SMG1: variants seen among roughly 807,000 people sequenced by gnomAD.
SMG1 encodes SMG1 nonsense mediated mRNA decay associated PI3K related kinase, also known as serine/threonine-protein kinase SMG1.
Under a neutral mutation model 419.9 loss-of-function variants are expected in SMG1, and 22 were observed. That is an observed-to-expected ratio of 0.05 (90% CI 0.04 to 0.07). The LOEUF is 0.07. Among genes scored for constraint, SMG1 ranks in the 10% least tolerant of loss-of-function variants. The pLI, the probability that SMG1 is intolerant of heterozygous loss-of-function variation, is 1.00. For synonymous variants in SMG1, 1,538 were observed against 1,553.5 expected (o/e 0.99, Z 0.23); for missense variants, 3,185 against 4,342.0 (o/e 0.73, Z 7.49).
At chr16:18,871,335 T>TAA in intron 16 of SMG1, 29 bp downstream of exon 16, 7 of 928,846 alleles carry the variant, frequency 7.5e-6, no homozygotes, top group South Asian at 2.3e-5. Context: ...ATAAACAAAA[T>TAA]AGAAAAAAAA....
At chr16:18,819,894 T>C (rs1425020759) in intron 55 of SMG1, among the ~76,000 whole-genome samples, 1 of 152,204 alleles carries the variant, frequency 6.6e-6, no homozygotes, top group Non-Finnish European at 1.5e-5. Flanking sequence ...TCTTAAAACG[T>C]ACAGAAGGAA....
chr16:18,868,023 C>T (rs901982846), intron 22 of SMG1, among the ~76,000 whole-genome samples, 167 bp downstream of exon 22: 2 of 152,194 alleles, frequency 1.3e-5, no homozygotes, highest in Non-Finnish European at 2.9e-5. Context: ...TAACTTCTAA[C>T]ACTGTAACTC....
intron 51 of SMG1, 110 bp downstream of exon 51, chr16:18,832,830 T>C (rs1334533820): frequency 1.1e-6 from 1 of 909,686 alleles, no homozygotes; most frequent in Non-Finnish European, 1.8e-6. Context: ...TATAAGTAAT[T>C]ATACCTGCTC....
intron 1 of SMG1, among the ~76,000 whole-genome samples, chr16:18,920,140 G>A (rs565890068): frequency 1.8e-4 from 27 of 151,962 alleles, no homozygotes; most frequent in African/African-American, 5.1e-4. Context: ...CCAGCACTTT[G>A]GGAGGCCGAG....
At chr16:18,886,426 G>T (rs927191780) in intron 6 of SMG1, among the ~76,000 whole-genome samples, 1 of 152,094 alleles carries the variant, frequency 6.6e-6, no homozygotes, top group African/African-American at 2.4e-5. Context: ...TTATTTTGCA[G>T]CTGTTAGAAA....
rs1424497964 is a variant in SMG1 at position 18,866,770 on chromosome 16, A to G, written c.3201T>C (p.Asn1067=). The G allele has an allele frequency of 1.9e-6, 3 of 1,597,064 alleles. No individual in the cohort carries two copies. The East Asian group carries it at 6.7e-5, about 36-fold the overall frequency. ...CCATCATAATGGTTACTTCCAATTCATTCCCCTGAAAACGCATTCAGAAAA... is the reference window on the plus strand; with the variant it reads ...CCATCATAATGGTTACTTCCAATTCGTTCCCCTGAAAACGCATTCAGAAAA... ...EMKTTSLSQG[N]ELEVTIMMVV... The change falls in exon 23 of 63, where the codon AAT becomes AAC. Residue 1067 remains asparagine, a synonymous_variant. Coordinates refer to ENST00000446231, the MANE Select transcript of SMG1 (RefSeq NM_015092.5).
rs991748168 is a variant in SMG1, at chr16:18,888,164, CAAAAAAAA to C, written c.822+1200_822+1207del. Among the ~76,000 whole-genome samples, 9 of 41,192 alleles carry C rather than the reference CAAAAAAAA, an allele frequency of 2.2e-4. No individual in the cohort carries two copies. The South Asian group carries it at 8.8e-3, about 40-fold the overall frequency. 27.0% of individuals were successfully genotyped at this position (41,192 alleles called of 152,430 possible). The stretch of plus-strand genomic sequence containing the variant: ...TGGACAACAGAGCAAGACTCTGCAT[CAAAAAAAA>C]AAAAAAAAAAAAAGGAATGATGTTC... On this transcript the variant is annotated intron_variant, in intron 6 of 62. Coordinates refer to ENST00000446231, the MANE Select transcript of SMG1 (RefSeq NM_015092.5).
At chr16:18,834,607 T>C (rs574065004) in intron 49 of SMG1, among the ~76,000 whole-genome samples, 169 bp from the exon 50 acceptor site, 3 of 152,098 alleles carry the variant, frequency 2.0e-5, no homozygotes, top group African/African-American at 7.2e-5. Context: ...CAAAACCCCA[T>C]CTCTACCAAA....
intron 1 of SMG1, among the ~76,000 whole-genome samples, chr16:18,907,985 A>G (rs1188650672): frequency 3.3e-5 from 5 of 152,062 alleles, no homozygotes; most frequent in Non-Finnish European, 7.4e-5. Flanking sequence ...TTGAAAGGAA[A>G]TATCTTACTC....
intron 51 of SMG1, among the ~76,000 whole-genome samples, chr16:18,830,979 G>A (rs1306515285): frequency 6.6e-6 from 1 of 152,094 alleles, no homozygotes; most frequent in Non-Finnish European, 1.5e-5. Flanking sequence ...AAAAATGTCA[G>A]AAATCACACC....
At chr16:18,837,025 C>T (rs939369835) in intron 46 of SMG1, among the ~76,000 whole-genome samples, 1 of 152,164 alleles carries the variant, frequency 6.6e-6, no homozygotes. Context: ...AACCACTACA[C>T]CCACCTATCT....
rs1286785052 is a variant in SMG1 at position 18,860,663 on chromosome 16, A to G, written c.3805+4T>C. On this transcript the variant is annotated splice_donor_region_variant and intron_variant, in intron 26 of 62. Coordinates refer to ENST00000446231, the MANE Select transcript of SMG1 (RefSeq NM_015092.5). ...AATAACTTTAAAACTATTTTCTCAA[A>G]TACCTATTTTTTCTTTTGATCCTCC... 6 of 1,373,062 alleles carry G rather than the reference A, an allele frequency of 4.4e-6. No individual in the cohort carries two copies. Among genetic ancestry groups the G allele is most frequent in the Non-Finnish European group, 6.1e-6 (6 of 987,550 alleles). 85.1% of individuals were successfully genotyped at this position (1,373,062 alleles called of 1,614,324 possible).
chr16:18,847,572 A>G lies in SMG1; in HGVS notation c.5877T>C (p.Thr1959=), dbSNP rs751345271. The change falls in exon 38 of 63, where the codon ACT becomes ACC. Residue 1959 remains threonine (T), a synonymous_variant. Coordinates refer to ENST00000446231, the MANE Select transcript of SMG1 (RefSeq NM_015092.5). The part of the protein sequence containing the change: ...QMLVAELRRV[T]VLWDELWLGV... ...CCAGCCAGAGCTCATCCCAGAGCACAGTGACCCTGCGCAGTTCAGCCACGA... is the reference window on the plus strand; with the variant it reads ...CCAGCCAGAGCTCATCCCAGAGCACGGTGACCCTGCGCAGTTCAGCCACGA... 4.3e-6 allele frequency: 7 copies of G among 1,613,936 alleles called. No individual in the cohort carries two copies. Among genetic ancestry groups the G allele is most frequent in the African/African-American group, 1.3e-5 (1 of 74,948 alleles).
At chr16:18,900,000 T>C (rs1400341633) in intron 1 of SMG1, 1 of 1,530,226 alleles carries the variant, frequency 6.5e-7, no homozygotes, top group Non-Finnish European at 8.7e-7. Flanking sequence ...AAAAATCGCA[T>C]ACTGTATAAT....
intron 60 of SMG1, among the ~76,000 whole-genome samples, chr16:18,812,580 A>C: frequency 6.7e-6 from 1 of 149,920 alleles, no homozygotes. Flanking sequence ...ATACACACAC[A>C]TATATATACA....
chr16:18,814,651 C>T (rs376730175), intron 60 of SMG1, among the ~76,000 whole-genome samples: 22 of 151,848 alleles, frequency 1.4e-4, no homozygotes, highest in Admixed American at 1.4e-3. Context: ...CTTGGCTCAC[C>T]GTAACCTCCA....
At chr16:18,890,140 T>C (rs1215707051) in intron 5 of SMG1, among the ~76,000 whole-genome samples, 2 of 152,184 alleles carry the variant, frequency 1.3e-5, no homozygotes, top group African/African-American at 4.8e-5. Flanking sequence ...CACACACCTC[T>C]GGAGATTCTA....
Position 18,853,450 on chromosome 16 carries a change from CAATAA to C in SMG1, c.4768+128_4768+132del, listed in dbSNP as rs917945387. ...TAAATATGTTTTAGTTATTTCCCAACAATAAAATAAACTCAACTTCCACAGATATA... is the reference window on the plus strand; with the variant it reads ...TAAATATGTTTTAGTTATTTCCCAACAATAAACTCAACTTCCACAGATATA... On this transcript the variant is annotated intron_variant, in intron 31 of 62. Transcript: ENST00000446231. The C allele has an allele frequency of 8.4e-6, 7 of 836,998 alleles. No homozygotes were observed. The African/African-American group carries it at 8.6e-5, about 10-fold the overall frequency. 51.8% of individuals were successfully genotyped at this position (836,998 alleles called of 1,614,324 possible). A position where few individuals can be genotyped will look rare whatever the true frequency, so the allele number is the denominator to read the frequency against.
chr16:18,881,788 GAGA>G (rs2036409614), intron 10 of SMG1, among the ~76,000 whole-genome samples: 1 of 152,214 alleles, frequency 6.6e-6, no homozygotes, highest in African/African-American at 2.4e-5. Flanking sequence ...CTTATGTTCA[GAGA>G]AGATTACTTT....
Sources: allele counts gnomAD v4.1 joint callset (sites outside exome capture counted in the v4.1 genomes callset), GRCh38; gene constraint gnomAD v4.1.1; transcripts MANE v1.5; gene names NCBI Gene and HGNC (gene_info 2026-07-23, HGNC 2026-07-21).